PNPLA8: variants seen among roughly 807,000 people sequenced by gnomAD.
PNPLA8 encodes the protein calcium-independent phospholipase A2-gamma.
A neutral mutation model predicts 76.9 loss-of-function variants in PNPLA8; 39 were observed. That is an observed-to-expected ratio of 0.51 (90% CI 0.39 to 0.66). The LOEUF (loss-of-function observed/expected upper bound fraction) is 0.66, where lower values mean the gene tolerates loss of function less well. Ranked by LOEUF, PNPLA8 falls within the 30% of genes least tolerant of loss-of-function variation. The pLI, the probability that PNPLA8 is intolerant of heterozygous loss-of-function variation, is 0.00. For synonymous variants in PNPLA8, 301 were observed against 307.9 expected (o/e 0.98, Z 0.24); for missense variants, 887 against 918.0 (o/e 0.97, Z 0.44).
chr7:108,490,526 G>A (rs1249200657), intron 8 of PNPLA8, among the ~76,000 whole-genome samples: 3 of 152,204 alleles, frequency 2.0e-5, no homozygotes, highest in Non-Finnish European at 4.4e-5. Context: ...GCTCACGCCC[G>A]TAATCCCAGC....
chr7:108,491,553 T>C, intron 7 of PNPLA8, 86 bp from the exon 8 acceptor site: 1 of 850,730 alleles, frequency 1.2e-6, no homozygotes, highest in Non-Finnish European at 2.0e-6. Context: ...AATTACTATT[T>C]GTCCATGGCT....
At chr7:108,525,933 C>G (rs1864046551) in intron 1 of PNPLA8, 96 bp downstream of exon 1, 1 of 502,662 alleles carries the variant, frequency 2.0e-6, no homozygotes, top group Non-Finnish European at 2.6e-6. Flanking sequence ...AAGTGCCCTC[C>G]AAAGAAAGAA....
intron 9 of PNPLA8, among the ~76,000 whole-genome samples, chr7:108,481,642 T>A (rs969031654): frequency 2.6e-5 from 4 of 152,206 alleles, no homozygotes; most frequent in African/African-American, 7.2e-5. Context: ...TGTCTCCTCA[T>A]CTTCTTGGCA....
chr7:108,517,338 T>C (rs1442454834), intron 2 of PNPLA8, among the ~76,000 whole-genome samples: 2 of 152,178 alleles, frequency 1.3e-5, no homozygotes, highest in Admixed American at 1.3e-4. Flanking sequence ...CTTTGAAAGA[T>C]AGTTCGGTAG....
At chr7:108,508,891 T>A (rs1862667988) in intron 4 of PNPLA8, among the ~76,000 whole-genome samples, 1 of 124,168 alleles carries the variant, frequency 8.1e-6, no homozygotes, top group Non-Finnish European at 1.7e-5. Flanking sequence ...AACTATCTGA[T>A]CTTTGACAAA....
At chr7:108,521,108 C>A (rs1324713517) in intron 2 of PNPLA8, among the ~76,000 whole-genome samples, 2 of 151,642 alleles carry the variant, frequency 1.3e-5, no homozygotes, top group Non-Finnish European at 2.9e-5. Context: ...AGAAATGCAC[C>A]ATCACCTGCA....
chr7:108,478,918 G>A (rs1486258665), intron 10 of PNPLA8, among the ~76,000 whole-genome samples: 1 of 152,200 alleles, frequency 6.6e-6, no homozygotes, highest in Non-Finnish European at 1.5e-5. Flanking sequence ...CCAACAAAAT[G>A]TTGTGCTATC....
intron 4 of PNPLA8, among the ~76,000 whole-genome samples, chr7:108,506,085 A>G (rs1315762457): frequency 1.3e-5 from 2 of 152,214 alleles, no homozygotes; most frequent in Non-Finnish European, 2.9e-5. Context: ...CAAATTAAAA[A>G]GATTTAAAAA....
At position 108,515,061 on chromosome 7, in the gene PNPLA8, C is replaced by A; in HGVS notation, c.431G>T (p.Trp144Leu). The change falls in exon 3 of 11, where the codon TGG becomes TTG. Residue 144 changes from tryptophan (W) to leucine (L), a missense_variant. Coordinates refer to ENST00000257694, the MANE Select transcript of PNPLA8 (RefSeq NM_001256007.3). ...TTGTTTGATGTTTTTCTGTTTTAAC[C>A]AGCCACTATCCGATACTTTTCTTAA... ...QILRKVSDSG[W>L]LKQKNIKQAI... is the part of the protein sequence containing the mutation. 6.2e-7 allele frequency: 1 copy of A among 1,607,638 alleles called. No homozygotes were observed. The highest frequency in any genetic ancestry group is 8.5e-7 in the Non-Finnish European group (1 of 1,179,526).
At chr7:108,526,951 G>C (rs1360565957), upstream of PNPLA8, among the ~76,000 whole-genome samples, 1 of 152,182 alleles carries the variant, frequency 6.6e-6, no homozygotes, top group African/African-American at 2.4e-5. Flanking sequence ...GCTTTTTAAA[G>C]TTTCATTAGA....
In PNPLA8 at chr7:108,502,410, T is replaced by C. The variant is rs980628080; in HGVS notation, c.1358+81A>G. ...GTGAGCTGAGATTGTGCCACTGCAC[T>C]CCAGCCTGGGCAACAGAGGGAAACT... is the stretch of plus-strand genomic sequence containing the variant. On this transcript the variant is annotated intron_variant, in intron 5 of 10. Coordinates refer to ENST00000257694, the MANE Select transcript of PNPLA8 (RefSeq NM_001256007.3). 4 of 1,273,378 alleles carry C rather than the reference T, an allele frequency of 3.1e-6. No individual in the cohort carries two copies. The African/African-American group carries it at 7.3e-5, about 23-fold the overall frequency. 78.9% of individuals were successfully genotyped at this position (1,273,378 alleles called of 1,614,324 possible).
chr7:108,524,053 G>A (rs1263016237), intron 1 of PNPLA8, among the ~76,000 whole-genome samples: 1 of 152,176 alleles, frequency 6.6e-6, no homozygotes, highest in Non-Finnish European at 1.5e-5. Context: ...TTCACAGGAT[G>A]AAGTAACAGT....
intron 7 of PNPLA8, 178 bp downstream of exon 7, chr7:108,496,406 T>G (rs186772108): frequency 1.5e-4 from 68 of 456,970 alleles, no homozygotes; most frequent in African/African-American, 1.3e-3. Flanking sequence ...ATTACTAAAC[T>G]ATGATTCACC....
At chr7:108,479,425 G>T in intron 9 of PNPLA8, 46 bp from the exon 10 acceptor site, 9 of 1,317,020 alleles carry the variant, frequency 6.8e-6, no homozygotes, top group Non-Finnish European at 8.6e-6. Context: ...ACTGACTCAC[G>T]GGGAAAGCTG....
At chr7:108,507,657 G>A (rs531230294) in intron 4 of PNPLA8, among the ~76,000 whole-genome samples, 44 of 152,030 alleles carry the variant, frequency 2.9e-4, no homozygotes, top group African/African-American at 1.0e-3. Flanking sequence ...AAAAGAAAAA[G>A]AAACACATTT....
At chr7:108,521,346 T>C (rs910107991) in intron 2 of PNPLA8, 130 bp downstream of exon 2, 1 of 154,134 alleles carries the variant, frequency 6.5e-6, no homozygotes, top group Non-Finnish European at 1.4e-5. Flanking sequence ...AATACAGGAC[T>C]GGGAAAAATG....
chr7:108,482,556 GAAA>G (rs1425798567), intron 9 of PNPLA8, among the ~76,000 whole-genome samples: 2 of 152,122 alleles, frequency 1.3e-5, no homozygotes, highest in African/African-American at 2.4e-5. Flanking sequence ...TATAATTTTT[GAAA>G]AGTCCTACTA....
chr7:108,521,028 A>G (rs941667491), intron 2 of PNPLA8, among the ~76,000 whole-genome samples: 1 of 152,174 alleles, frequency 6.6e-6, no homozygotes, highest in South Asian at 2.1e-4. Context: ...CAGATACCCT[A>G]TGGGCAATGG....
chr7:108,505,564 C>T (rs40855), intron 4 of PNPLA8, among the ~76,000 whole-genome samples: 59,654 of 149,564 alleles, frequency 0.4, 12,447 homozygotes, highest in African/African-American at 0.48. Flanking sequence ...GGTTTCACCA[C>T]GTTGGCCAGG....
Sources: allele counts gnomAD v4.1 joint callset (sites outside exome capture counted in the v4.1 genomes callset), GRCh38; gene constraint gnomAD v4.1.1; transcripts MANE v1.5; gene names NCBI Gene and HGNC (gene_info 2026-07-23, HGNC 2026-07-21).